SYN3: variants seen among roughly 807,000 people sequenced by gnomAD.
The protein encoded by SYN3 is synapsin-3.
In SYN3, 35 loss-of-function variants were observed where a neutral mutation model predicts 65.8. That is an observed-to-expected ratio of 0.53 (90% CI 0.41 to 0.70). SYN3 has a LOEUF of 0.70. Among genes scored for constraint, SYN3 ranks in the 30% least tolerant of loss-of-function variants. The probability of loss-of-function intolerance (pLI) is 0.00; values close to 1 mark genes in which losing one functional copy is unlikely to be tolerated. For synonymous variants in SYN3, 270 were observed against 292.9 expected (o/e 0.92, Z 0.80); for missense variants, 680 against 749.0 (o/e 0.91, Z 1.08).
At chr22:32,689,550 A>C (rs2060635642) in intron 6 of SYN3, among the ~76,000 whole-genome samples, 1 of 152,194 alleles carries the variant, frequency 6.6e-6, no homozygotes, top group Non-Finnish European at 1.5e-5. Context: ...GGGAGGCACA[A>C]ATAGGAACTG....
chr22:33,019,515 C>T (rs116835761), intron 1 of SYN3, among the ~76,000 whole-genome samples: 1,770 of 152,260 alleles, frequency 0.012, 44 homozygotes, highest in African/African-American at 0.04. Context: ...TAAAAAATAA[C>T]GGCTACTTTA....
At chr22:32,767,348 T>C (rs1317641714) in intron 6 of SYN3, among the ~76,000 whole-genome samples, 3 of 151,882 alleles carry the variant, frequency 2.0e-5, no homozygotes, top group African/African-American at 7.3e-5. Context: ...TCCCACTACT[T>C]TCCTAGGATT....
intron 6 of SYN3, among the ~76,000 whole-genome samples, chr22:32,765,075 C>T (rs2045588949): frequency 6.6e-6 from 1 of 151,796 alleles, no homozygotes; most frequent in East Asian, 1.9e-4. Flanking sequence ...GAGACCTCGC[C>T]GTTTGCTGGC....
chr22:32,938,132 C>T (rs944478487), intron 3 of SYN3, among the ~76,000 whole-genome samples: 3 of 152,138 alleles, frequency 2.0e-5, no homozygotes, highest in Non-Finnish European at 4.4e-5. Context: ...GGGGAAAATA[C>T]ATTTTATATA....
chr22:32,753,052 G>A (rs919716376), intron 6 of SYN3, among the ~76,000 whole-genome samples: 2 of 152,116 alleles, frequency 1.3e-5, no homozygotes, highest in African/African-American at 4.8e-5. Flanking sequence ...GAGCCAGCTG[G>A]AGAACCTCAG....
chr22:32,542,867 C>T (rs1400259034), intron 7 of SYN3, among the ~76,000 whole-genome samples: 3 of 152,106 alleles, frequency 2.0e-5, no homozygotes, highest in Non-Finnish European at 4.4e-5. Context: ...TGACTCCCAG[C>T]GGCTGTGGAC....
intron 7 of SYN3, among the ~76,000 whole-genome samples, chr22:32,586,044 G>A (rs1183406689): frequency 7.0e-6 from 1 of 141,980 alleles, no homozygotes; most frequent in Non-Finnish European, 1.5e-5. Context: ...ATATGTATAT[G>A]TATATATGTG....
chr22:32,972,197 C>T (rs1233978217), intron 3 of SYN3, among the ~76,000 whole-genome samples: 1 of 152,184 alleles, frequency 6.6e-6, no homozygotes, highest in African/African-American at 2.4e-5. Flanking sequence ...GTGAATCCTA[C>T]AGATCGATTA....
chr22:32,990,236 A>C (rs1272734505), intron 2 of SYN3, among the ~76,000 whole-genome samples: 2 of 151,890 alleles, frequency 1.3e-5, no homozygotes, highest in Non-Finnish European at 2.9e-5. Flanking sequence ...AGAGGCTAAG[A>C]CCATTTATTA....
chr22:32,508,752 A>G lies in SYN3; in HGVS notation c.*4940T>C, dbSNP rs1365750251. On this transcript the variant is annotated 3_prime_UTR_variant, in exon 14 of 14. Coordinates refer to ENST00000358763, the MANE Select transcript of SYN3 (RefSeq NM_003490.4). ...AATACTTTTGTTTGGATTTTATTTC[A>G]TAGTTTTCTAGGAGGGCTGAGCTAA... Among the ~76,000 whole-genome samples the G allele has an allele frequency of 6.6e-6, 1 of 152,092 alleles. No homozygotes were observed. Among genetic ancestry groups the G allele is most frequent in the Non-Finnish European group, 1.5e-5 (1 of 68,016 alleles).
At chr22:32,833,995 T>A (rs2047656057) in intron 6 of SYN3, among the ~76,000 whole-genome samples, 2 of 152,202 alleles carry the variant, frequency 1.3e-5, no homozygotes, top group African/African-American at 4.8e-5. Context: ...GCTTTCTGTG[T>A]CAGTGTTTGA....
At chr22:32,527,859 CG>C (rs1239652588) in intron 12 of SYN3, 58 bp downstream of exon 12, 2 of 1,414,282 alleles carry the variant, frequency 1.4e-6, no homozygotes, top group Non-Finnish European at 2.0e-6. Context: ...GTGGATCCCT[CG>C]GTGCATTTCA....
chr22:32,575,060 C>T (rs915749036), intron 7 of SYN3, among the ~76,000 whole-genome samples: 3 of 152,164 alleles, frequency 2.0e-5, no homozygotes, highest in Admixed American at 6.5e-5. Context: ...TTGACCTAAG[C>T]GGGTGGTTTT....
intron 7 of SYN3, among the ~76,000 whole-genome samples, chr22:32,586,045 T>C (rs897235530): frequency 1.0e-4 from 15 of 146,702 alleles, no homozygotes; most frequent in Admixed American, 4.2e-4. Context: ...TATGTATATG[T>C]ATATATGTGT....
At chr22:32,539,860 AATG>A (rs2058225732) in intron 8 of SYN3, among the ~76,000 whole-genome samples, 1 of 151,010 alleles carries the variant, frequency 6.6e-6, no homozygotes, top group Non-Finnish European at 1.5e-5. Context: ...AGAGGAGGGA[AATG>A]ATATCATGGC....
rs141508434 is a variant in SYN3, at chr22:32,866,288, C to T, written c.622-1284G>A. ...AGAGTAACTAGGAACTTTCTGCATCCACCCAAGATTGGTCTGCAAACTCTT... is the reference window on the plus strand; with the variant it reads ...AGAGTAACTAGGAACTTTCTGCATCTACCCAAGATTGGTCTGCAAACTCTT... On this transcript the variant is annotated intron_variant, in intron 5 of 13. Transcript: ENST00000358763. Among the ~76,000 whole-genome samples the T allele has an allele frequency of 2.5e-3, 383 of 152,288 alleles. 2 individuals are homozygous for T. The highest frequency in any genetic ancestry group is 6.8e-3 in the Middle Eastern group (2 of 294).
chr22:32,921,469 T>C (rs1033138866), intron 4 of SYN3, among the ~76,000 whole-genome samples: 4 of 152,170 alleles, frequency 2.6e-5, no homozygotes, highest in African/African-American at 9.7e-5. Context: ...CTGCTTTCTG[T>C]ACAGAGACTG....
At chr22:32,882,319 A>G (rs991832517) in intron 4 of SYN3, among the ~76,000 whole-genome samples, 1 of 152,212 alleles carries the variant, frequency 6.6e-6, no homozygotes, top group African/African-American at 2.4e-5. Context: ...CGCCTGGCTA[A>G]CATTTTGTCT....
intron 2 of SYN3, among the ~76,000 whole-genome samples, chr22:33,002,717 G>C (rs2053095565): frequency 6.6e-6 from 1 of 152,154 alleles, no homozygotes; most frequent in Admixed American, 6.5e-5. Flanking sequence ...CTAAGTTAAT[G>C]TCTCAAGGAG....
Sources: allele counts gnomAD v4.1 joint callset (sites outside exome capture counted in the v4.1 genomes callset), GRCh38; gene constraint gnomAD v4.1.1; transcripts MANE v1.5; gene names NCBI Gene and HGNC (gene_info 2026-07-23, HGNC 2026-07-21).